Variants in GRIK3 observed in about 807,000 individuals in gnomAD.
GRIK3 encodes the protein glutamate receptor ionotropic, kainate 3.
Under a neutral mutation model 102.5 loss-of-function variants are expected in GRIK3, and 29 were observed. That is an observed-to-expected ratio of 0.28 (90% CI 0.21 to 0.39). The LOEUF (loss-of-function observed/expected upper bound fraction) is 0.39, where lower values mean the gene tolerates loss of function less well. Among genes scored for constraint, GRIK3 ranks in the 10% least tolerant of loss-of-function variants. GRIK3 has a pLI of 1.00. For synonymous variants in GRIK3, 511 were observed against 504.9 expected, an observed-to-expected ratio of 1.01 and a Z score of -0.16; for missense variants, 908 against 1,252.4, an observed-to-expected ratio of 0.73 and a Z score of 4.15.
chr1:36,805,734 C>T (rs539925122), intron 14 of GRIK3, among the ~76,000 whole-genome samples: 3 of 151,744 alleles, frequency 2.0e-5, no homozygotes, highest in Non-Finnish European at 2.9e-5. Context: ...GTCGGGAGTT[C>T]GAGACCAGCC....
intron 1 of GRIK3, among the ~76,000 whole-genome samples, chr1:36,952,516 T>C (rs1037192721): frequency 1.3e-5 from 2 of 152,216 alleles, no homozygotes; most frequent in Non-Finnish European, 2.9e-5. Context: ...TGGTCCTCAG[T>C]TTTCTCATCT....
At chr1:36,995,648 G>A (rs1316071267) in intron 1 of GRIK3, among the ~76,000 whole-genome samples, 1 of 152,140 alleles carries the variant, frequency 6.6e-6, no homozygotes, top group African/African-American at 2.4e-5. Flanking sequence ...AGCTTCCTAA[G>A]AAACCACACA....
intron 13 of GRIK3, among the ~76,000 whole-genome samples, chr1:36,808,401 G>A (rs1444768467): frequency 1.3e-5 from 2 of 152,178 alleles, no homozygotes; most frequent in East Asian, 3.9e-4. Context: ...AAAGTGATGG[G>A]ATGTCATGTC....
intron 1 of GRIK3, among the ~76,000 whole-genome samples, chr1:36,894,521 G>A (rs517044): frequency 0.89 from 135,842 of 152,250 alleles, 60,820 homozygotes; most frequent in East Asian, 0.99. Flanking sequence ...AACCAGTTAA[G>A]GCTGAACAAA....
At chr1:37,018,641 G>C (rs79031493) in intron 1 of GRIK3, among the ~76,000 whole-genome samples, 1 of 151,974 alleles carries the variant, frequency 6.6e-6, no homozygotes, top group Non-Finnish European at 1.5e-5. Flanking sequence ...TTAACTGCAG[G>C]CCTCAGATCC....
At chr1:36,942,100 G>A (rs1409945371) in intron 1 of GRIK3, among the ~76,000 whole-genome samples, 1 of 152,220 alleles carries the variant, frequency 6.6e-6, no homozygotes, top group Non-Finnish European at 1.5e-5. Flanking sequence ...CCAGCCTGGG[G>A]TTGGGAGACC....
intron 5 of GRIK3, among the ~76,000 whole-genome samples, chr1:36,868,648 G>A (rs758112127): frequency 1.6e-4 from 24 of 152,244 alleles, no homozygotes; most frequent in African/African-American, 4.3e-4. Context: ...GCTCTCGCCC[G>A]CTGGATCAAG....
chr1:36,881,820 C>T (rs486191), intron 2 of GRIK3, among the ~76,000 whole-genome samples: 5,248 of 152,268 alleles, frequency 0.034, 236 homozygotes, highest in East Asian at 0.12. Context: ...TCCTCCCTTC[C>T]CTGTCCCTAC....
At chr1:36,994,190 G>T (rs554571399) in intron 1 of GRIK3, among the ~76,000 whole-genome samples, 26 of 152,120 alleles carry the variant, frequency 1.7e-4, no homozygotes, top group Non-Finnish European at 3.5e-4. Flanking sequence ...TCTCAGTTCG[G>T]TGACCTAAAA....
intron 1 of GRIK3, among the ~76,000 whole-genome samples, chr1:36,960,770 G>T (rs1330206340): frequency 2.0e-5 from 3 of 152,302 alleles, no homozygotes; most frequent in African/African-American, 7.2e-5. Context: ...GGCCTATTTG[G>T]TCAGCTCTGC....
chr1:36,956,812 C>G (rs986879676), intron 1 of GRIK3, among the ~76,000 whole-genome samples: 9 of 152,244 alleles, frequency 5.9e-5, no homozygotes, highest in Non-Finnish European at 1.3e-4. Context: ...TCTCTCTACT[C>G]TGGCATATTT....
chr1:36,946,220 G>A (rs1401936264), intron 1 of GRIK3, among the ~76,000 whole-genome samples: 5 of 152,260 alleles, frequency 3.3e-5, no homozygotes, highest in Non-Finnish European at 2.9e-5. Flanking sequence ...CCTGGAGCCT[G>A]GGGCTGGAGG....
Position 37,034,064 on chromosome 1 carries a change from G to A in GRIK3, c.45C>T (p.Tyr15=). The A allele has an allele frequency of 6.2e-7, 1 of 1,605,086 alleles. No homozygotes were observed. Among genetic ancestry groups the A allele is most frequent in the Non-Finnish European group, 8.5e-7 (1 of 1,176,592 alleles). Residue 15 remains tyrosine, a synonymous_variant, in exon 1 of 16, where the codon TAC becomes TAT. Coordinates refer to ENST00000373091, the MANE Select transcript of GRIK3 (RefSeq NM_000831.4). Reference sequence around the variant, plus strand: ...AGGCGCACACGAGGAGCCCGGCCCAGTATTCCCAAACCAGACTCCGGAGGC... The same window carrying A: ...AGGCGCACACGAGGAGCCCGGCCCAATATTCCCAAACCAGACTCCGGAGGC... The part of the protein sequence containing the change: ...WRRLRSLVWE[Y]WAGLLVCAFW...
chr1:36,818,975 C>T (rs1185551745), intron 12 of GRIK3, among the ~76,000 whole-genome samples: 2 of 152,172 alleles, frequency 1.3e-5, no homozygotes, highest in African/African-American at 2.4e-5. Context: ...GGGGCGGTGT[C>T]CTTTCCTGGC....
chr1:36,972,886 A>T (rs576778874), intron 1 of GRIK3, among the ~76,000 whole-genome samples: 1 of 152,288 alleles, frequency 6.6e-6, no homozygotes, highest in East Asian at 1.9e-4. Context: ...ATCTGTGTCC[A>T]GAGGAGGATT....
At chr1:36,812,679 GC>G (rs1345157987) in intron 13 of GRIK3, among the ~76,000 whole-genome samples, 1 of 152,000 alleles carries the variant, frequency 6.6e-6, no homozygotes, top group African/African-American at 2.4e-5. Context: ...GGGATCGAGA[GC>G]CCCCCGAGAG....
At chr1:36,915,194 C>A (rs1641385332) in intron 1 of GRIK3, among the ~76,000 whole-genome samples, 1 of 152,198 alleles carries the variant, frequency 6.6e-6, no homozygotes, top group African/African-American at 2.4e-5. Flanking sequence ...GCCACTGTGA[C>A]ACCTTGCTTG....
chr1:36,859,957 G>A lies in GRIK3; in HGVS notation c.847C>T (p.Arg283Trp), dbSNP rs1398285941. The change falls in exon 6 of 16, where the codon CGG becomes TGG. Residue 283 changes from arginine (R) to tryptophan (W), a missense_variant. Around this residue, in one of 3 missense-constraint regions of GRIK3, gnomAD observed 585 missense variants for 824.9 expected, o/e 0.71. Transcript: ENST00000373091. ...TGTGGGTTGTCCACATTGAGAATCC[G>A]GAATCCTGTCAGGTTCACGCCTGAG... The part of the protein sequence containing the change: ...RYSGVNLTGF[R>W]ILNVDNPHVS... 4 of 1,613,204 alleles carry A rather than the reference G, an allele frequency of 2.5e-6. No individual in the cohort carries two copies. The highest frequency in any genetic ancestry group is 3.4e-6 in the Non-Finnish European group (4 of 1,179,576).
In GRIK3 at chr1:36,817,066, G is replaced by A. The variant is rs1642640421; in HGVS notation, c.2085C>T (p.Phe695=). ...GAVKDGATMT[F]FKKSKISTFE... ...AGGAGGGAGAGGGCCTCACCTTGAA[G>A]AAGGTCATGGTGGCCCCATCCTTGA... Residue 695 remains phenylalanine (F), a synonymous_variant, in exon 13 of 16, where the codon TTC becomes TTT. Coordinates refer to ENST00000373091, the MANE Select transcript of GRIK3 (RefSeq NM_000831.4). 6.2e-7 allele frequency: 1 copy of A among 1,610,204 alleles called. No individual in the cohort carries two copies. Among genetic ancestry groups the A allele is most frequent in the Admixed American group, 1.7e-5 (1 of 60,014 alleles).
Sources: gnomAD v4.1 joint callset for allele counts (sites outside exome capture counted in the v4.1 genomes callset) on GRCh38, gnomAD v4.1.1 for gene constraint, gnomAD v4.1.1 regional missense constraint, MANE v1.5 for transcripts, NCBI Gene and HGNC (gene_info 2026-07-23, HGNC 2026-07-21) for gene names.